Variants in ABCC8 observed in about 807,000 individuals in gnomAD.
ABCC8 encodes ATP-binding cassette sub-family C member 8.
ABCC8 carries 137 observed loss-of-function variants against 188.0 expected under a neutral mutation model. The observed-to-expected ratio is 0.73, with a 90% CI of 0.63 to 0.84. ABCC8 has a LOEUF of 0.84. Ranked by LOEUF, ABCC8 falls within the 40% of genes least tolerant of loss-of-function variation. The probability of loss-of-function intolerance (pLI) is 0.00; values close to 1 mark genes in which losing one functional copy is unlikely to be tolerated. For synonymous variants in ABCC8, 797 were observed against 846.5 expected (o/e 0.94, Z 1.01); for missense variants, 1,750 against 2,072.7 (o/e 0.84, Z 3.02).
intron 29 of ABCC8, among the ~76,000 whole-genome samples, chr11:17,401,385 G>C (rs1277581919): frequency 6.6e-6 from 1 of 152,206 alleles, no homozygotes; most frequent in East Asian, 1.9e-4. Context: ...GGCCAGGGCA[G>C]AGCTTTGCTC....
At chr11:17,415,461 G>A (rs1955026688) in intron 17 of ABCC8, 122 bp from the exon 18 acceptor site, 4 of 1,540,344 alleles carry the variant, frequency 2.6e-6, no homozygotes, top group Non-Finnish European at 3.5e-6. Context: ...GACCCAGTCT[G>A]TAGCCACAAA....
chr11:17,393,197 G>A, intron 38 of ABCC8, 69 bp from the exon 39 acceptor site: 1 of 1,599,958 alleles, frequency 6.3e-7, no homozygotes, highest in Admixed American at 1.7e-5. Flanking sequence ...CACAGCTGAG[G>A]GTGGCCCTCC....
rs1209205510 is a variant in ABCC8 at position 17,414,623 on chromosome 11, G to C, written c.2292-13C>G. 4.3e-6 allele frequency: 7 copies of C among 1,614,116 alleles called. No homozygotes were observed. Among genetic ancestry groups the C allele is most frequent in the Admixed American group, 1.7e-5 (1 of 60,026 alleles). On this transcript the variant is annotated splice_polypyrimidine_tract_variant and intron_variant, in intron 18 of 38. Coordinates refer to ENST00000389817, the MANE Select transcript of ABCC8 (RefSeq NM_000352.6). ...GGGGCCTCTCTTCCTGGAAAAAGCA[G>C]GGCGGGAGTAGGGGGTGCGGAAGGC...
chr11:17,423,013 A>G (rs985811534), intron 16 of ABCC8, among the ~76,000 whole-genome samples: 2 of 151,962 alleles, frequency 1.3e-5, no homozygotes, highest in African/African-American at 4.8e-5. Flanking sequence ...TGCAGAGTCA[A>G]TTGTGGTTCC....
At chr11:17,417,859 C>T (rs2133492235) in intron 16 of ABCC8, among the ~76,000 whole-genome samples, 1 of 152,278 alleles carries the variant, frequency 6.6e-6, no homozygotes, top group Admixed American at 6.5e-5. Context: ...AAGCGATCCT[C>T]CTGCCTTAGC....
intron 10 of ABCC8, among the ~76,000 whole-genome samples, chr11:17,438,939 A>T (rs754317626): frequency 1.2e-4 from 18 of 152,188 alleles, no homozygotes; most frequent in Non-Finnish European, 2.1e-4. Flanking sequence ...AAGTGCAATC[A>T]CGCTTGCTAG....
At chr11:17,464,098 G>A (rs1392858638) in intron 3 of ABCC8, among the ~76,000 whole-genome samples, 2 of 152,208 alleles carry the variant, frequency 1.3e-5, no homozygotes, top group Non-Finnish European at 2.9e-5. Flanking sequence ...CCTGACGCTG[G>A]AGCCCATGCA....
rs1404857996 is a variant in ABCC8 at position 17,393,132 on chromosome 11, G to T, written c.4609-4C>A. 6.2e-7 allele frequency: 1 copy of T among 1,613,638 alleles called. No homozygotes were observed. The highest frequency in any genetic ancestry group is 2.2e-5 in the East Asian group (1 of 44,868). ...TCAGGATGGTGTGCACTCGATGCTGGGCAGGGCAGGAGGGGGCGGGTCAGG... is the reference window on the plus strand; with the variant it reads ...TCAGGATGGTGTGCACTCGATGCTGTGCAGGGCAGGAGGGGGCGGGTCAGG... On this transcript the variant is annotated splice_polypyrimidine_tract_variant and splice_region_variant and intron_variant, in intron 38 of 38. Transcript: ENST00000389817.
In ABCC8 at chr11:17,423,826, G is replaced by A. The variant is rs139171786; in HGVS notation, c.2222+3223C>T. Among the ~76,000 whole-genome samples, 216 of 152,332 alleles carry A rather than the reference G, an allele frequency of 1.4e-3. 1 individual carries two copies. The highest frequency in any genetic ancestry group is 4.9e-3 in the African/African-American group (202 of 41,560). On this transcript the variant is annotated intron_variant, in intron 16 of 38. Transcript: ENST00000389817. ...AGGCTAGCTATGCCTTCTTCATGAGGCTCTTGTGCCCCTTCTCTTTGAGCA... is the reference window on the plus strand; with the variant it reads ...AGGCTAGCTATGCCTTCTTCATGAGACTCTTGTGCCCCTTCTCTTTGAGCA...
intron 16 of ABCC8, among the ~76,000 whole-genome samples, chr11:17,423,579 C>G (rs1361598277): frequency 6.6e-6 from 1 of 152,106 alleles, no homozygotes; most frequent in South Asian, 2.1e-4. Flanking sequence ...GGAAGCTGGA[C>G]CAGGACCGGG....
At chr11:17,405,996 T>C (rs1465557931) in intron 26 of ABCC8, among the ~76,000 whole-genome samples, 2 of 152,138 alleles carry the variant, frequency 1.3e-5, no homozygotes, top group African/African-American at 4.8e-5. Flanking sequence ...GTAAATAAAC[T>C]TGGAGGCCAT....
rs1591895844 is a variant in ABCC8 at position 17,463,451 on chromosome 11, A to C, written c.566T>G (p.Val189Gly). The C allele has an allele frequency of 6.2e-7, 1 of 1,605,218 alleles. No individual in the cohort carries two copies. The highest frequency in any genetic ancestry group is 8.5e-7 in the Non-Finnish European group (1 of 1,176,118). Reference sequence around the variant, plus strand: ...TGGCCTGCTTACCCTCACCCTGATGACATTGACCTCCACGAGGAGCAGCAT... The same window carrying C: ...TGGCCTGCTTACCCTCACCCTGATGCCATTGACCTCCACGAGGAGCAGCAT... The part of the protein sequence containing the change: ...YGMLLLVEVN[V>G]IRVRRYIFFK... The change falls in exon 4 of 39, where the codon GTC (valine) becomes GGC (glycine). Residue 189 changes from valine (V) to glycine (G), a missense_variant. By Grantham distance (109) the Val-to-Gly change is moderately radical. Transcript: ENST00000389817.
chr11:17,432,133 G>A (rs1386492520), intron 11 of ABCC8, 71 bp downstream of exon 11: 1 of 1,542,292 alleles, frequency 6.5e-7, no homozygotes, highest in Non-Finnish European at 8.8e-7. Flanking sequence ...GGCCAAATCT[G>A]GGCAGCCTGT....
chr11:17,457,684 G>A (rs561620304), intron 6 of ABCC8, among the ~76,000 whole-genome samples: 16 of 152,278 alleles, frequency 1.1e-4, no homozygotes, highest in African/African-American at 3.6e-4. Context: ...GAGTGGCAGC[G>A]GGGTGACAGG....
At chr11:17,446,427 C>A (rs1181112834) in intron 8 of ABCC8, among the ~76,000 whole-genome samples, 3 of 151,834 alleles carry the variant, frequency 2.0e-5, no homozygotes, top group Admixed American at 6.6e-5. Context: ...GGTCAGAAAT[C>A]TTCATTTTTC....
At chr11:17,446,566 A>G (rs1447387356) in intron 8 of ABCC8, among the ~76,000 whole-genome samples, 1 of 152,204 alleles carries the variant, frequency 6.6e-6, no homozygotes, top group African/African-American at 2.4e-5. Flanking sequence ...GGCATGAGCC[A>G]CCACACCCAG....
chr11:17,428,219 G>A (rs1955676072), intron 14 of ABCC8, 70 bp downstream of exon 14: 1 of 1,606,850 alleles, frequency 6.2e-7, no homozygotes, highest in Non-Finnish European at 8.5e-7. Context: ...GCAGCTTTCT[G>A]GCTTTCCAGG....
intron 16 of ABCC8, among the ~76,000 whole-genome samples, chr11:17,420,351 G>C (rs1235686778): frequency 6.6e-6 from 1 of 152,176 alleles, no homozygotes; most frequent in African/African-American, 2.4e-5. Context: ...CCTGCTCAAG[G>C]TCACAGAGCT....
Position 17,460,489 on chromosome 11 carries a change from T to C in ABCC8, c.1010A>G (p.Lys337Arg), listed in dbSNP as rs1270315738. 2.5e-6 allele frequency: 4 copies of C among 1,614,016 alleles called. No homozygotes were observed. Among genetic ancestry groups the C allele is most frequent in the Non-Finnish European group, 3.4e-6 (4 of 1,180,042 alleles). The change falls in exon 6 of 39, where the codon AAG becomes AGG. Residue 337 changes from lysine (K) to arginine (R), a missense_variant and splice_region_variant. Lys to Arg is a conservative substitution (Grantham distance 26, BLOSUM62 2). Coordinates refer to ENST00000389817, the MANE Select transcript of ABCC8 (RefSeq NM_000352.6). ...LGKENDVFQP[K>R]TQFLGVYFVS... The stretch of plus-strand genomic sequence containing the variant: ...TACCCTACCCCTGGGGCTGCCTACC[T>C]TGGGCTGGAAGACGTCGTTCTCCTT...
Sources: gnomAD v4.1 joint callset for allele counts (sites outside exome capture counted in the v4.1 genomes callset) on GRCh38, gnomAD v4.1.1 for gene constraint, MANE v1.5 for transcripts, NCBI Gene and HGNC (gene_info 2026-07-23, HGNC 2026-07-21) for gene names.